SH2D4A: variants seen among roughly 807,000 people sequenced by gnomAD.
The protein encoded by SH2D4A is SH2 domain-containing protein 4A.
Under a neutral mutation model 64.7 loss-of-function variants are expected in SH2D4A, and 70 were observed. The observed-to-expected ratio is 1.08, with a 90% confidence interval of 0.89 to 1.32. The LOEUF is 1.32. Among genes scored for constraint, SH2D4A ranks in the 40% most tolerant of loss-of-function variants. SH2D4A has a pLI of 0.00. For missense variants in SH2D4A, 706 were observed against 540.1 expected, an observed-to-expected ratio of 1.31 and a Z score of -3.04; for synonymous variants, 268 against 200.7, an observed-to-expected ratio of 1.34 and a Z score of -2.83.
At chr8:19,360,121 G>A (rs1019317056) in intron 5 of SH2D4A, among the ~76,000 whole-genome samples, 3 of 152,072 alleles carry the variant, frequency 2.0e-5, no homozygotes, top group Non-Finnish European at 4.4e-5. Context: ...AATGATTTCC[G>A]TTGAATGCTC....
intron 8 of SH2D4A, among the ~76,000 whole-genome samples, chr8:19,388,296 C>A: frequency 6.6e-6 from 1 of 152,102 alleles, no homozygotes; most frequent in Non-Finnish European, 1.5e-5. Context: ...CTATAAAATA[C>A]AGATGACGAT....
chr8:19,382,322 C>G (rs538024055), intron 8 of SH2D4A, among the ~76,000 whole-genome samples: 4 of 152,110 alleles, frequency 2.6e-5, no homozygotes, highest in Non-Finnish European at 4.4e-5. Context: ...ATTTTTCTTT[C>G]AGTATTTTGA....
chr8:19,320,542 T>C (rs1252222263), intron 2 of SH2D4A, among the ~76,000 whole-genome samples: 1 of 147,374 alleles, frequency 6.8e-6, no homozygotes, highest in Non-Finnish European at 1.5e-5. Context: ...TGTAATTGCT[T>C]GAGCTCAGGA....
At chr8:19,319,157 T>G (rs552286667) in intron 1 of SH2D4A, among the ~76,000 whole-genome samples, 187 bp from the exon 2 acceptor site, 1 of 152,226 alleles carries the variant, frequency 6.6e-6, no homozygotes, top group African/African-American at 2.4e-5. Flanking sequence ...CAGAGTATCT[T>G]TAGAAATTAC....
rs1316795165 is a variant in SH2D4A, at chr8:19,334,709, C to T, written c.365C>T (p.Thr122Ile). The T allele has an allele frequency of 1.2e-6, 2 of 1,606,552 alleles. No homozygotes were observed. The highest frequency in any genetic ancestry group is 1.7e-6 in the Non-Finnish European group (2 of 1,177,952). Residue 122 changes from threonine (T) to isoleucine (I), a missense_variant, in exon 4 of 10, where the codon ACC becomes ATC. By Grantham distance (89) the Thr-to-Ile change is moderately conservative. Coordinates refer to ENST00000265807, the MANE Select transcript of SH2D4A (RefSeq NM_022071.4). ...EPRKTHSEEF[T>I]NSLKTKSQYH... Reference sequence around the variant, plus strand: ...AGAAAAACTCACTCTGAAGAATTCACCAATAGCTTGAAAACAAAATCACAG... The same window carrying T: ...AGAAAAACTCACTCTGAAGAATTCATCAATAGCTTGAAAACAAAATCACAG...
chr8:19,377,823 T>C (rs910442094), intron 8 of SH2D4A, among the ~76,000 whole-genome samples: 4 of 152,184 alleles, frequency 2.6e-5, no homozygotes, highest in Non-Finnish European at 5.9e-5. Context: ...CTTCAGAGTA[T>C]ATATCTAGAA....
intron 8 of SH2D4A, among the ~76,000 whole-genome samples, chr8:19,376,033 C>T (rs1049435120): frequency 1.3e-5 from 2 of 152,232 alleles, no homozygotes; most frequent in African/African-American, 4.8e-5. Flanking sequence ...CCACACTTGT[C>T]CCTACCTTAG....
chr8:19,363,954 TA>T, intron 6 of SH2D4A, 117 bp from the exon 7 acceptor site: 1 of 881,346 alleles, frequency 1.1e-6, no homozygotes, highest in Non-Finnish European at 1.7e-6. Context: ...TTCCTTATTA[TA>T]AGCAGACAAC....
In SH2D4A at chr8:19,396,144, C is replaced by T. The variant is rs575128899; in HGVS notation, c.*1502C>T. ...ATTTTTCTTGGAGGATGGAGATTGGCTAGTACCTCTGGCCTAACTGTGTAG... is the reference window on the plus strand; with the variant it reads ...ATTTTTCTTGGAGGATGGAGATTGGTTAGTACCTCTGGCCTAACTGTGTAG... On this transcript the variant is annotated 3_prime_UTR_variant, in exon 10 of 10. Transcript: ENST00000265807. 1 of 152,194 alleles carries T rather than the reference C, an allele frequency of 6.6e-6. No individual in the cohort carries two copies. The highest frequency in any genetic ancestry group is 1.5e-5 in the Non-Finnish European group (1 of 68,056). The allele number at this position is 152,194 out of a possible 1,614,324, so 9.4% of individuals were successfully genotyped here.
intron 4 of SH2D4A, 68 bp from the exon 5 acceptor site, chr8:19,357,135 T>C: frequency 2.4e-6 from 3 of 1,275,822 alleles, no homozygotes; most frequent in Non-Finnish European, 3.4e-6. Flanking sequence ...AGGGAAACAT[T>C]GACAGATTAT....
intron 8 of SH2D4A, among the ~76,000 whole-genome samples, chr8:19,382,207 T>G (rs2053305458): frequency 6.6e-6 from 1 of 152,164 alleles, no homozygotes; most frequent in Admixed American, 6.6e-5. Flanking sequence ...TTCCTTAGCT[T>G]TTGTTTACCC....
intron 7 of SH2D4A, among the ~76,000 whole-genome samples, chr8:19,371,059 T>C (rs1052689455): frequency 9.2e-5 from 14 of 152,154 alleles, no homozygotes; most frequent in Non-Finnish European, 4.4e-5. Context: ...CATTTTTATA[T>C]TACCTATCTT....
chr8:19,313,972 T>C, intron 1 of SH2D4A, 149 bp downstream of exon 1: 1 of 1,251,740 alleles, frequency 8.0e-7, no homozygotes, highest in Non-Finnish European at 1.0e-6. Context: ...CCTCCACCCC[T>C]TCGCGGCGCC....
intron 4 of SH2D4A, among the ~76,000 whole-genome samples, chr8:19,351,341 T>TGG (rs1194860485): frequency 1.1e-4 from 16 of 152,166 alleles, no homozygotes; most frequent in African/African-American, 3.9e-4. Context: ...CAGTGGCTCA[T>TGG]GCCTGTAATC....
intron 4 of SH2D4A, among the ~76,000 whole-genome samples, chr8:19,338,699 C>T (rs1340249926): frequency 2.6e-5 from 4 of 152,206 alleles, no homozygotes; most frequent in South Asian, 2.1e-4. Context: ...TCACGCAGCT[C>T]TGTTGACACC....
At chr8:19,362,871 AG>A (rs1416187030) in intron 6 of SH2D4A, among the ~76,000 whole-genome samples, 2 of 152,164 alleles carry the variant, frequency 1.3e-5, no homozygotes, top group African/African-American at 4.8e-5. Context: ...GTGTAGCCTA[AG>A]TGTAAAGTGT....
intron 2 of SH2D4A, among the ~76,000 whole-genome samples, chr8:19,326,360 G>T (rs2052279693): frequency 6.6e-6 from 1 of 152,222 alleles, no homozygotes. Flanking sequence ...TCCCAAAGGA[G>T]AGGCCAGAGG....
In SH2D4A at chr8:19,362,966, C is replaced by A. The variant is rs571884722; in HGVS notation, c.707-1106C>A. On this transcript the variant is annotated intron_variant, in intron 6 of 9. Coordinates refer to ENST00000265807, the MANE Select transcript of SH2D4A (RefSeq NM_022071.4). ...CACTCACTGACTCATCCCAGAGCAA[C>A]TTCCAGTCCTGCAAGCTCCATTCAT... Among the ~76,000 whole-genome samples the A allele has an allele frequency of 2.0e-5, 3 of 152,306 alleles. No individual in the cohort carries two copies. In the East Asian group the frequency reaches 5.8e-4, roughly 29 times the overall value.
intron 8 of SH2D4A, among the ~76,000 whole-genome samples, chr8:19,383,905 G>T (rs574682924): frequency 1.3e-5 from 2 of 152,126 alleles, no homozygotes; most frequent in Non-Finnish European, 2.9e-5. Flanking sequence ...GTAAAATGAG[G>T]ATAATACTAA....
Sources: allele counts gnomAD v4.1 joint callset (sites outside exome capture counted in the v4.1 genomes callset), GRCh38; gene constraint gnomAD v4.1.1; transcripts MANE v1.5; gene names NCBI Gene and HGNC (gene_info 2026-07-23, HGNC 2026-07-21).